PLA2G4A: variants seen among roughly 807,000 people sequenced by gnomAD.
PLA2G4A encodes cytosolic phospholipase A2.
Under a neutral mutation model 81.9 loss-of-function variants are expected in PLA2G4A, and 40 were observed. That is an observed-to-expected ratio of 0.49 (90% CI 0.38 to 0.64). PLA2G4A has a LOEUF of 0.64. Among genes scored for constraint, PLA2G4A ranks in the 30% least tolerant of loss-of-function variants. The probability of loss-of-function intolerance (pLI) is 0.00; values close to 1 mark genes in which losing one functional copy is unlikely to be tolerated. For synonymous variants in PLA2G4A, 302 were observed against 296.9 expected (o/e 1.02, Z -0.18); for missense variants, 715 against 905.1 (o/e 0.79, Z 2.69).
At chr1:186,898,391 A>G (rs1654417437) in intron 5 of PLA2G4A, among the ~76,000 whole-genome samples, 1 of 152,198 alleles carries the variant, frequency 6.6e-6, no homozygotes, top group Non-Finnish European at 1.5e-5. Flanking sequence ...GATTTACTTG[A>G]GAAGTTTTTA....
chr1:186,947,562 T>G (rs1439669579), intron 12 of PLA2G4A, among the ~76,000 whole-genome samples: 3 of 152,174 alleles, frequency 2.0e-5, no homozygotes, highest in Non-Finnish European at 4.4e-5. Flanking sequence ...TTTCATTCAT[T>G]ATAGGAATAC....
chr1:186,873,996 C>T (rs553676354), intron 3 of PLA2G4A, among the ~76,000 whole-genome samples: 2 of 152,218 alleles, frequency 1.3e-5, no homozygotes, highest in East Asian at 1.9e-4. Flanking sequence ...TTACACCTGA[C>T]TCAAAATCAT....
intron 16 of PLA2G4A, among the ~76,000 whole-genome samples, chr1:186,978,346 G>A (rs1233717278): frequency 6.6e-6 from 1 of 152,040 alleles, no homozygotes; most frequent in South Asian, 2.1e-4. Context: ...AACCAAAGGA[G>A]ATCTAAAGAT....
chr1:186,848,244 T>C (rs1016343480), intron 1 of PLA2G4A, among the ~76,000 whole-genome samples: 1 of 152,136 alleles, frequency 6.6e-6, no homozygotes, highest in Non-Finnish European at 1.5e-5. Flanking sequence ...AGCTTTAACA[T>C]GTACCAAGCC....
rs535764178 is a variant in PLA2G4A at position 186,884,733 on chromosome 1, G to T, written c.116-8278G>T. On this transcript the variant is annotated intron_variant, in intron 3 of 17. Transcript: ENST00000367466. The stretch of plus-strand genomic sequence containing the variant: ...TCTCTACTAAAAACACAAAAAATTA[G>T]CTGAGCATGATGGTGTGAGCTTGTA... Among the ~76,000 whole-genome samples, 5 of 151,934 alleles carry T rather than the reference G, an allele frequency of 3.3e-5. No homozygotes were observed. The East Asian group carries it at 9.7e-4, about 30-fold the overall frequency.
At chr1:186,914,094 TG>T in intron 7 of PLA2G4A, among the ~76,000 whole-genome samples, 2 of 100,354 alleles carry the variant, frequency 2.0e-5, no homozygotes, top group African/African-American at 1.1e-4. Context: ...TTTGTTTTTT[TG>T]TGTTTTTTTT....
chr1:186,919,889 G>A (rs780136517), intron 7 of PLA2G4A, among the ~76,000 whole-genome samples: 12 of 152,166 alleles, frequency 7.9e-5, no homozygotes, highest in Non-Finnish European at 1.2e-4. Flanking sequence ...CAGGCAGGAG[G>A]GGGGGTGTTC....
At chr1:186,894,052 G>A in intron 4 of PLA2G4A, 46 bp from the exon 5 acceptor site, 1 of 809,446 alleles carries the variant, frequency 1.2e-6, no homozygotes, top group Non-Finnish European at 2.2e-6. Flanking sequence ...CATTTCCAAA[G>A]ATCCATGGGA....
rs1666626839 is a variant in PLA2G4A at position 186,988,868 on chromosome 1, T to C, written c.*360T>C. On this transcript the variant is annotated 3_prime_UTR_variant, in exon 18 of 18. Transcript: ENST00000367466. The stretch of plus-strand genomic sequence containing the variant: ...GTTCAATCTCAATAAGACCTCGCAT[T>C]ATGTATGAATGTTATTCACTGACTA... 1 of 194,178 alleles carries C rather than the reference T, an allele frequency of 5.1e-6. No individual in the cohort carries two copies. The highest frequency in any genetic ancestry group is 1.1e-5 in the Non-Finnish European group (1 of 92,094). 12.0% of individuals were successfully genotyped at this position (194,178 alleles called of 1,614,324 possible). A position where few individuals can be genotyped will look rare whatever the true frequency, so the allele number is the denominator to read the frequency against.
At chr1:186,834,904 C>T (rs1223350967) in intron 1 of PLA2G4A, among the ~76,000 whole-genome samples, 1 of 152,030 alleles carries the variant, frequency 6.6e-6, no homozygotes, top group Non-Finnish European at 1.5e-5. Flanking sequence ...TTACTCTGAC[C>T]TTGGATTTAT....
chr1:186,939,901 G>A, intron 9 of PLA2G4A, 79 bp from the exon 10 acceptor site: 1 of 748,608 alleles, frequency 1.3e-6, no homozygotes, highest in African/African-American at 1.7e-5. Context: ...GATTTTGATT[G>A]GAAGTACTAT....
At chr1:186,981,928 C>T (rs915236795) in intron 17 of PLA2G4A, among the ~76,000 whole-genome samples, 41 of 152,136 alleles carry the variant, frequency 2.7e-4, no homozygotes, top group Non-Finnish European at 1.2e-4. Context: ...CAAGGACAGA[C>T]AGTAGCACTA....
chr1:186,920,004 A>G (rs1449155760), intron 7 of PLA2G4A, among the ~76,000 whole-genome samples: 2 of 152,108 alleles, frequency 1.3e-5, no homozygotes, highest in East Asian at 3.9e-4. Context: ...GCTTTTGTCT[A>G]ATTGGTTGGG....
chr1:186,979,058 C>T (rs563204493), intron 16 of PLA2G4A, among the ~76,000 whole-genome samples: 38 of 152,300 alleles, frequency 2.5e-4, no homozygotes, highest in African/African-American at 9.1e-4. Flanking sequence ...TTCCAGCCTG[C>T]TGTGAGTGGG....
intron 3 of PLA2G4A, among the ~76,000 whole-genome samples, chr1:186,890,087 T>C (rs1367966741): frequency 6.6e-6 from 1 of 152,244 alleles, no homozygotes; most frequent in African/African-American, 2.4e-5. Flanking sequence ...CTAATGTGTG[T>C]AAAGTACTTA....
intron 5 of PLA2G4A, among the ~76,000 whole-genome samples, chr1:186,905,681 T>C (rs1654707760): frequency 6.9e-6 from 1 of 145,908 alleles, no homozygotes; most frequent in Non-Finnish European, 1.5e-5. Flanking sequence ...AAAGATTGCC[T>C]GATGCACTCC....
At chr1:186,908,684 T>C (rs1654825975) in intron 6 of PLA2G4A, among the ~76,000 whole-genome samples, 1 of 151,924 alleles carries the variant, frequency 6.6e-6, no homozygotes, top group African/African-American at 2.4e-5. Flanking sequence ...AATGAAATAC[T>C]ACATAATAGT....
At chr1:186,926,106 GA>G (rs1655538417) in intron 7 of PLA2G4A, among the ~76,000 whole-genome samples, 1 of 152,190 alleles carries the variant, frequency 6.6e-6, no homozygotes, top group Admixed American at 6.5e-5. Flanking sequence ...TCTTGAGTTA[GA>G]AATTTATGTA....
intron 1 of PLA2G4A, among the ~76,000 whole-genome samples, chr1:186,837,931 G>A (rs1651847635): frequency 6.6e-6 from 1 of 151,940 alleles, no homozygotes; most frequent in African/African-American, 2.4e-5. Flanking sequence ...GGGAGAAGGG[G>A]AACCCAAGTG....
Sources: allele counts gnomAD v4.1 joint callset (sites outside exome capture counted in the v4.1 genomes callset), GRCh38; gene constraint gnomAD v4.1.1; transcripts MANE v1.5; gene names NCBI Gene and HGNC (gene_info 2026-07-23, HGNC 2026-07-21).